Variants in LYPD1 observed in about 807,000 individuals in gnomAD.
LYPD1 encodes the protein LY6/PLAUR domain containing 1.
LYPD1 carries 14 observed loss-of-function variants against 14.2 expected under a neutral mutation model. That is an observed-to-expected ratio of 0.99 (90% CI 0.65 to 1.54). The LOEUF (loss-of-function observed/expected upper bound fraction) is 1.54, where lower values mean the gene tolerates loss of function less well. Ranked by LOEUF, LYPD1 falls within the 40% of genes most tolerant of loss-of-function variation. The pLI is 0.00. For synonymous variants in LYPD1, 85 were observed against 70.6 expected (o/e 1.20, Z -1.02); for missense variants, 165 against 175.7 (o/e 0.94, Z 0.34).
intron 2 of LYPD1, among the ~76,000 whole-genome samples, chr2:132,658,120 C>T (rs937145236): frequency 6.6e-6 from 1 of 152,132 alleles, no homozygotes; most frequent in African/African-American, 2.4e-5. Flanking sequence ...AACCTGAATA[C>T]AGTGATCATC....
chr2:132,646,073 T>G lies in LYPD1; in HGVS notation c.398A>C (p.Lys133Thr), dbSNP rs767835149. 1 of 1,591,750 alleles carries G rather than the reference T, an allele frequency of 6.3e-7. No homozygotes were observed. Among genetic ancestry groups the G allele is most frequent in the Non-Finnish European group, 8.6e-7 (1 of 1,167,626 alleles). The stretch of plus-strand genomic sequence containing the variant: ...GCAGTGTGCCGAGAAGAGGGCTAAT[T>G]TGAGGAACAGGATGGTGGTGCGGAG... ...PGLRTTILFL[K>T]LALFSAHC The change falls in exon 3 of 3, where the codon AAA (lysine) becomes ACA (threonine). Residue 133 changes from lysine to threonine, a missense_variant. Lys to Thr is a moderately conservative substitution (Grantham distance 78, BLOSUM62 -1). Transcript: ENST00000397463.
At chr2:132,651,389 G>A (rs1033793339) in intron 2 of LYPD1, among the ~76,000 whole-genome samples, 14 of 152,132 alleles carry the variant, frequency 9.2e-5, no homozygotes, top group Admixed American at 4.6e-4. Context: ...ATTTGTGCCT[G>A]TGGTTCTCTC....
At chr2:132,670,231 C>T (rs768174177), upstream of LYPD1, 77 of 798,090 alleles carry the variant, frequency 9.6e-5, no homozygotes, top group Non-Finnish European at 1.2e-4. The surrounding 1 kb of genome is among the most constrained non-coding windows in gnomAD (Gnocchi z 4.5). Flanking sequence ...GGAGCACCCA[C>T]AAAAGTCTCG....
chr2:132,668,324 T>C, intron 2 of LYPD1, 76 bp downstream of exon 2: 1 of 1,492,134 alleles, frequency 6.7e-7, no homozygotes, highest in South Asian at 1.4e-5. Flanking sequence ...TCCTTTTTCC[T>C]GCTATTTAAT....
rs1474212734 is a variant in LYPD1 at position 132,644,048 on chromosome 2, G to A, written c.*1997C>T. On this transcript the variant is annotated 3_prime_UTR_variant, in exon 3 of 3. Coordinates refer to ENST00000397463, the MANE Select transcript of LYPD1 (RefSeq NM_144586.7). ...TACTGTGGGTGTCTTGGCTCCTTAC[G>A]AAAAGAGAGAGCAAATGCTTCACAG... 3.9e-5 allele frequency among the ~76,000 whole-genome samples: 6 copies of A among 152,208 alleles called. No individual in the cohort carries two copies. The highest frequency in any genetic ancestry group is 7.2e-5 in the African/African-American group (3 of 41,450).
intron 2 of LYPD1, among the ~76,000 whole-genome samples, chr2:132,662,023 T>C (rs2104919699): frequency 6.6e-6 from 1 of 152,198 alleles, no homozygotes; most frequent in East Asian, 1.9e-4. Flanking sequence ...TTTCTGTGTC[T>C]TAGATTCACC....
intron 2 of LYPD1, among the ~76,000 whole-genome samples, chr2:132,660,973 G>T (rs1280811943): frequency 6.6e-6 from 1 of 152,178 alleles, no homozygotes; most frequent in African/African-American, 2.4e-5. Flanking sequence ...TTTCTCAAGG[G>T]AAGAGAGAGA....
chr2:132,667,110 A>C (rs2248193), intron 2 of LYPD1: 1 of 151,984 alleles, frequency 6.6e-6, no homozygotes, highest in Non-Finnish European at 1.5e-5. Context: ...ATCCCTATCA[A>C]TCTTAAGAAT....
chr2:132,671,293 A>ATCCGCACATTCCCATCCCCTT (rs1442022199), upstream of LYPD1: 3 of 152,298 alleles, frequency 2.0e-5, no homozygotes, highest in Admixed American at 6.5e-5. Flanking sequence ...CCCGCCCCCA[A>ATCCGCACATTCCCATCCCCTT]TCCGCACATT....
At chr2:132,661,878 T>A (rs1455251775) in intron 2 of LYPD1, among the ~76,000 whole-genome samples, 1 of 151,308 alleles carries the variant, frequency 6.6e-6, no homozygotes, top group Non-Finnish European at 1.5e-5. Context: ...GAATTATATT[T>A]CAATAAAATT....
upstream of LYPD1, chr2:132,670,344 C>T (rs1683620752): frequency 4.4e-6 from 1 of 225,656 alleles, no homozygotes; most frequent in South Asian, 5.7e-5. The surrounding 1 kb of genome is among the most constrained non-coding windows in gnomAD (Gnocchi z 4.5). Flanking sequence ...ACATCCCCAC[C>T]CCCTTCCTGT....
chr2:132,669,772 G>A lies in LYPD1; in HGVS notation c.52+109C>T. ...CGCGGCCGCCAACTCCCGCTGGGCAGCCCCAGCGCAGGGCTGGCCCCGAGG... is the reference window on the plus strand; with the variant it reads ...CGCGGCCGCCAACTCCCGCTGGGCAACCCCAGCGCAGGGCTGGCCCCGAGG... On this transcript the variant is annotated intron_variant, in intron 1 of 2. Coordinates refer to ENST00000397463, the MANE Select transcript of LYPD1 (RefSeq NM_144586.7). The surrounding 1 kb of genome is among the most constrained non-coding windows in gnomAD (Gnocchi z 4.3). 8 of 1,504,330 alleles carry A rather than the reference G, an allele frequency of 5.3e-6. No homozygotes were observed. In the South Asian group the frequency reaches 8.9e-5, roughly 17 times the overall value. The allele number at this position is 1,504,330 out of a possible 1,614,324, so 93.2% of individuals were successfully genotyped here. A position where few individuals can be genotyped will look rare whatever the true frequency, so the allele number is the denominator to read the frequency against.
At position 132,669,770 on chromosome 2, in the gene LYPD1, C is replaced by T. The variant is rs191331100; in HGVS notation, c.52+111G>A. On this transcript the variant is annotated intron_variant, in intron 1 of 2. Coordinates refer to ENST00000397463, the MANE Select transcript of LYPD1 (RefSeq NM_144586.7). The surrounding 1 kb of genome is among the most constrained non-coding windows in gnomAD (Gnocchi z 4.3). ...GTCGCGGCCGCCAACTCCCGCTGGG[C>T]AGCCCCAGCGCAGGGCTGGCCCCGA... 5.2e-4 allele frequency: 774 copies of T among 1,493,992 alleles called. 7 individuals are homozygous for T. The Admixed American group carries it at 0.016, about 30-fold the overall frequency. 92.5% of individuals were successfully genotyped at this position (1,493,992 alleles called of 1,614,324 possible). A position where few individuals can be genotyped will look rare whatever the true frequency, so the allele number is the denominator to read the frequency against.
At chr2:132,667,196 T>G (rs1683325600) in intron 2 of LYPD1, among the ~76,000 whole-genome samples, 1 of 152,314 alleles carries the variant, frequency 6.6e-6, no homozygotes, top group Non-Finnish European at 1.5e-5. Context: ...ACCGCATTTC[T>G]CGAGACAAGT....
chr2:132,646,294 C>A lies in LYPD1; in HGVS notation c.191-14G>T. On this transcript the variant is annotated splice_polypyrimidine_tract_variant and intron_variant, in intron 2 of 2. Transcript: ENST00000397463. ...GGTACATGATCCCTGTAACACAGAC[C>A]CAAAGGAGCTGAGTTAACGTGCACC... The A allele has an allele frequency of 6.9e-7, 1 of 1,443,746 alleles. No individual in the cohort carries two copies. Among genetic ancestry groups the A allele is most frequent in the African/African-American group, 1.4e-5 (1 of 69,532 alleles). 89.4% of individuals were successfully genotyped at this position (1,443,746 alleles called of 1,614,324 possible). A position where few individuals can be genotyped will look rare whatever the true frequency, so the allele number is the denominator to read the frequency against.
At chr2:132,664,225 T>C (rs1286806364) in intron 2 of LYPD1, among the ~76,000 whole-genome samples, 1 of 152,158 alleles carries the variant, frequency 6.6e-6, no homozygotes, top group Non-Finnish European at 1.5e-5. Context: ...CCTATCATTT[T>C]AGATCTCGGG....
rs754885823 is a variant in LYPD1 at position 132,645,193 on chromosome 2, T to C, written c.*852A>G. ...CAAACCCAAGCACGACTGGACGAGGTCCTACTTCCGGGCGTACATGATCCT... is the reference window on the plus strand; with the variant it reads ...CAAACCCAAGCACGACTGGACGAGGCCCTACTTCCGGGCGTACATGATCCT... On this transcript the variant is annotated 3_prime_UTR_variant, in exon 3 of 3. Coordinates refer to ENST00000397463, the MANE Select transcript of LYPD1 (RefSeq NM_144586.7). 9 of 1,613,916 alleles carry C rather than the reference T, an allele frequency of 5.6e-6. No homozygotes were observed. The highest frequency in any genetic ancestry group is 1.6e-4 in the Middle Eastern group (1 of 6,062).
intron 2 of LYPD1, among the ~76,000 whole-genome samples, chr2:132,649,432 G>GAA (rs936792625): frequency 6.6e-6 from 1 of 152,176 alleles, no homozygotes; most frequent in Non-Finnish European, 1.5e-5. Flanking sequence ...GATAAAGAAA[G>GAA]AAAAGCTTTC....
intron 2 of LYPD1, chr2:132,663,174 C>T (rs1683065458): frequency 6.6e-6 from 1 of 152,184 alleles, no homozygotes; most frequent in Non-Finnish European, 1.5e-5. Flanking sequence ...CTGTGTAATT[C>T]CTAACTTCAT....
Sources: allele counts gnomAD v4.1 joint callset (sites outside exome capture counted in the v4.1 genomes callset), GRCh38; gene constraint gnomAD v4.1.1; non-coding constraint Gnocchi (gnomAD v3.1); transcripts MANE v1.5; gene names NCBI Gene and HGNC (gene_info 2026-07-23, HGNC 2026-07-21).